The following DNAAF1 variants were observed in gnomAD, a reference collection of about 807,000 sequenced individuals.
The protein encoded by DNAAF1 is dynein axonemal assembly factor 1, also known as dynein assembly factor 1, axonemal.
Under a neutral mutation model 71.1 loss-of-function variants are expected in DNAAF1, and 65 were observed. The observed-to-expected ratio is 0.91, with a 90% CI of 0.75 to 1.12. The LOEUF (loss-of-function observed/expected upper bound fraction) is 1.12. Among genes scored for constraint, DNAAF1 ranks in the 50% most tolerant of loss-of-function variants. The pLI, the probability that DNAAF1 is intolerant of heterozygous loss-of-function variation, is 0.00. For synonymous variants in DNAAF1, 414 were observed against 354.6 expected, an observed-to-expected ratio of 1.17 and a Z score of -1.88; for missense variants, 1,178 against 899.8, an observed-to-expected ratio of 1.31 and a Z score of -3.96.
chr16:84,172,906 C>G, intron 9 of DNAAF1: 3 of 1,007,284 alleles, frequency 3.0e-6, no homozygotes, highest in Non-Finnish European at 3.6e-6. Context: ...GCAGCCTTGC[C>G]TGTCACTCTT....
chr16:84,173,419 A>C, intron 9 of DNAAF1: 1 of 873,294 alleles, frequency 1.1e-6, no homozygotes, highest in Non-Finnish European at 1.4e-6. Flanking sequence ...AGCCGAGATC[A>C]CGCCACTGCA....
At chr16:84,164,441 C>A (rs372181152) in intron 6 of DNAAF1, among the ~76,000 whole-genome samples, 2 of 152,174 alleles carry the variant, frequency 1.3e-5, no homozygotes, top group Admixed American at 6.5e-5. Flanking sequence ...TCAGCCCCAA[C>A]TTCTGGCAAC....
chr16:84,149,068 G>T lies in DNAAF1; in HGVS notation c.186G>T (p.Gln62His), dbSNP rs774596744. 4 of 1,614,178 alleles carry T rather than the reference G, an allele frequency of 2.5e-6. No homozygotes were observed. The highest frequency in any genetic ancestry group is 3.4e-6 in the Non-Finnish European group (4 of 1,180,038). The change falls in exon 2 of 12, where the codon CAG becomes CAT. Residue 62 changes from glutamine (Q) to histidine (H), a missense_variant. Transcript: ENST00000378553. ...CTGACACATCCTACCACAGCCAGCAGAAACAGAGTGGTGATAATGGGTCAG... is the reference window on the plus strand; with the variant it reads ...CTGACACATCCTACCACAGCCAGCATAAACAGAGTGGTGATAATGGGTCAG... ...GSSDTSYHSQQKQSGDNGSGG... is the reference protein window; with the variant it reads ...GSSDTSYHSQHKQSGDNGSGG...
chr16:84,163,046 TC>T (rs1444414199), intron 6 of DNAAF1, among the ~76,000 whole-genome samples: 8 of 152,154 alleles, frequency 5.3e-5, no homozygotes, highest in African/African-American at 1.9e-4. Context: ...AGTACTTCAT[TC>T]CTTTTTATTG....
At chr16:84,168,715 G>C (rs1215484445) in intron 7 of DNAAF1, among the ~76,000 whole-genome samples, 1 of 151,788 alleles carries the variant, frequency 6.6e-6, no homozygotes, top group African/African-American at 2.4e-5. Context: ...TTTTTGTTTT[G>C]AAATGTTAAA....
At chr16:84,170,871 A>G (rs949152665) in intron 8 of DNAAF1, among the ~76,000 whole-genome samples, 1 of 152,160 alleles carries the variant, frequency 6.6e-6, no homozygotes, top group Admixed American at 6.6e-5. Context: ...AAAAGTAAAA[A>G]GTAAAAAAAC....
chr16:84,174,801 A>T (rs1270225729), intron 10 of DNAAF1, 79 bp downstream of exon 10: 4 of 1,569,274 alleles, frequency 2.5e-6, no homozygotes, highest in Non-Finnish European at 3.5e-6. Context: ...TTCTCTCCTA[A>T]ACTTGAAAGT....
intron 1 of DNAAF1, among the ~76,000 whole-genome samples, chr16:84,146,072 G>A (rs1238840836): frequency 1.3e-5 from 2 of 151,986 alleles, no homozygotes; most frequent in East Asian, 1.9e-4. Context: ...ATTCCAGCCC[G>A]GACGACAGTG....
At chr16:84,155,794 C>T (rs373648564) in intron 5 of DNAAF1, 45 bp downstream of exon 5, 60 of 1,606,396 alleles carry the variant, frequency 3.7e-5, no homozygotes, top group East Asian at 3.1e-4. Flanking sequence ...CACAGGAAAC[C>T]GCTTCTATTA....
intron 1 of DNAAF1, among the ~76,000 whole-genome samples, chr16:84,147,768 A>T (rs1309889736): frequency 6.6e-6 from 1 of 151,750 alleles, no homozygotes; most frequent in Non-Finnish European, 1.5e-5. Flanking sequence ...CCCAAAAAAA[A>T]AATAAAAATA....
chr16:84,152,467 A>ACCC (rs1439684614), intron 3 of DNAAF1, among the ~76,000 whole-genome samples: 1 of 151,678 alleles, frequency 6.6e-6, no homozygotes, highest in East Asian at 1.9e-4. Context: ...ACATGGTGAA[A>ACCC]CCCCATCTCT....
At chr16:84,160,951 AAAG>A (rs1326078477) in intron 6 of DNAAF1, among the ~76,000 whole-genome samples, 1 of 151,910 alleles carries the variant, frequency 6.6e-6, no homozygotes, top group East Asian at 1.9e-4. Flanking sequence ...AAAAAAAAAA[AAAG>A]AAAACCAGAA....
intron 8 of DNAAF1, among the ~76,000 whole-genome samples, chr16:84,171,708 T>C (rs2088357286): frequency 6.6e-6 from 1 of 151,956 alleles, no homozygotes; most frequent in African/African-American, 2.4e-5. Context: ...TTTCCAAGAT[T>C]CCTGCGGCTG....
chr16:84,168,862 CT>C (rs1212748698), intron 7 of DNAAF1, among the ~76,000 whole-genome samples: 1 of 49,870 alleles, frequency 2.0e-5, no homozygotes, highest in Non-Finnish European at 5.0e-5. Context: ...ACACACTTTG[CT>C]TTTCCCCTGA....
At chr16:84,169,723 T>C (rs1597472115) in intron 7 of DNAAF1, 136 bp from the exon 8 acceptor site, 1 of 1,316,140 alleles carries the variant, frequency 7.6e-7, no homozygotes, top group East Asian at 2.3e-5. Flanking sequence ...GCCCAGCCCC[T>C]TGAGGACACT....
At chr16:84,164,103 C>T (rs2087850527) in intron 6 of DNAAF1, among the ~76,000 whole-genome samples, 1 of 152,166 alleles carries the variant, frequency 6.6e-6, no homozygotes, top group African/African-American at 2.4e-5. Flanking sequence ...CTGCATCTGG[C>T]CTAGACTTTA....
chr16:84,166,019 C>A, intron 7 of DNAAF1, 70 bp downstream of exon 7: 1 of 1,561,222 alleles, frequency 6.4e-7, no homozygotes, highest in Non-Finnish European at 8.8e-7. Context: ...CTCTCAAACC[C>A]AGTCTTTAAT....
At chr16:84,155,255 G>A (rs1318370569) in intron 4 of DNAAF1, among the ~76,000 whole-genome samples, 1 of 152,002 alleles carries the variant, frequency 6.6e-6, no homozygotes, top group African/African-American at 2.4e-5. Flanking sequence ...TTGAGATGGG[G>A]TCTTGCTCTG....
chr16:84,155,583 C>G lies in DNAAF1; in HGVS notation c.575C>G (p.Ser192Cys). 1.2e-6 allele frequency: 2 copies of G among 1,614,050 alleles called. No individual in the cohort carries two copies. The highest frequency in any genetic ancestry group is 2.2e-5 in the South Asian group (2 of 91,080). The part of the protein sequence containing the change: ...NNYIKTIENL[S>C]CLPVLNTLQM... ...GACTTCTGCTGACCTTACCTTCCAG[C>G]CTGCCTCCCAGTCCTGAACACATTG... Residue 192 changes from serine (S) to cysteine (C), a missense_variant and splice_region_variant, in exon 5 of 12, where the codon TCC becomes TGC. Coordinates refer to ENST00000378553, the MANE Select transcript of DNAAF1 (RefSeq NM_178452.6).
Sources: allele counts gnomAD v4.1 joint callset (sites outside exome capture counted in the v4.1 genomes callset), GRCh38; gene constraint gnomAD v4.1.1; transcripts MANE v1.5; gene names NCBI Gene and HGNC (gene_info 2026-07-23, HGNC 2026-07-21).